The following AOPEP variants were observed in gnomAD, a reference collection of about 807,000 sequenced individuals.
The protein encoded by AOPEP is aminopeptidase O.
A neutral mutation model predicts 98.1 loss-of-function variants in AOPEP; 77 were observed. The observed-to-expected ratio is 0.78, with a 90% CI of 0.65 to 0.95. The LOEUF (loss-of-function observed/expected upper bound fraction) is 0.95, where lower values mean the gene tolerates loss of function less well. Ranked by LOEUF, AOPEP falls within the 40% of genes least tolerant of loss-of-function variation. AOPEP has a pLI of 0.00. For synonymous variants in AOPEP, 346 were observed against 365.3 expected (o/e 0.95, Z 0.60); for missense variants, 1,024 against 1,024.7 (o/e 1.00, Z 0.01).
the AOPEP span, chr9:95,126,550 C>T: frequency 2.2e-5 from 35 of 1,613,904 alleles, no homozygotes; most frequent in East Asian, 2.2e-5. Context: ...ATCAACAACC[C>T]GGAATATGGC....
intron 3 of AOPEP, among the ~76,000 whole-genome samples, chr9:94,789,966 C>T (rs562604136): frequency 5.9e-5 from 9 of 152,124 alleles, no homozygotes; most frequent in South Asian, 2.1e-4. Flanking sequence ...CTCCGCCTCC[C>T]GGGTTCACGC....
intron 4 of AOPEP, among the ~76,000 whole-genome samples, chr9:94,796,083 G>A (rs927252120): frequency 5.3e-5 from 8 of 152,154 alleles, no homozygotes; most frequent in Admixed American, 5.2e-4. Flanking sequence ...CAGGCCCAAA[G>A]TGCACCCTCT....
chr9:94,951,894 A>C (rs2058123932), intron 7 of AOPEP, among the ~76,000 whole-genome samples: 1 of 152,218 alleles, frequency 6.6e-6, no homozygotes. Flanking sequence ...TTATAAGGAA[A>C]GCAAAAGCTT....
At chr9:95,080,967 T>C in intron 15 of AOPEP, 187 bp downstream of exon 15, 1 of 595,628 alleles carries the variant, frequency 1.7e-6, no homozygotes, top group Non-Finnish European at 3.0e-6. Flanking sequence ...TCAATGTCTT[T>C]GAAGGATTGA....
At chr9:94,989,099 G>C in intron 11 of AOPEP, among the ~76,000 whole-genome samples, 1 of 150,370 alleles carries the variant, frequency 6.7e-6, no homozygotes, top group East Asian at 2.0e-4. Context: ...TTTATTTTTT[G>C]TTTGTTTGTT....
Position 95,082,584 on chromosome 9 carries a change from G to A in AOPEP, c.2329G>A (p.Val777Met), listed in dbSNP as rs780350650. The change falls in exon 16 of 17, where the codon GTG becomes ATG. Residue 777 changes from valine (V) to methionine (M), a missense_variant. This residue lies in a region of AOPEP where 566 missense variants were observed against 551.7 expected (regional missense o/e 1.03). Coordinates refer to ENST00000375315, the MANE Select transcript of AOPEP (RefSeq NM_001193329.3). ...CCTCTGTGCCCTGCAGGCCATGGGT[G>A]TGTACCTCTACGGGGAGCTGATGGT... The part of the protein sequence containing the change: ...RFLQEDQAMG[V>M]YLYGELMVSE... The A allele has an allele frequency of 4.3e-6, 7 of 1,614,186 alleles. No homozygotes were observed. The highest frequency in any genetic ancestry group is 1.7e-5 in the Admixed American group (1 of 60,028).
At chr9:94,745,087 C>A (rs1834159511) in intron 1 of AOPEP, among the ~76,000 whole-genome samples, 1 of 152,102 alleles carries the variant, frequency 6.6e-6, no homozygotes, top group African/African-American at 2.4e-5. Context: ...ATATTCCAAT[C>A]ATACTCTCAG....
chr9:94,982,646 G>A (rs568604686), intron 11 of AOPEP, among the ~76,000 whole-genome samples: 209 of 145,104 alleles, frequency 1.4e-3, no homozygotes, highest in African/African-American at 5.2e-3. Context: ...ATGGCTCACT[G>A]CAGCCTACAC....
At chr9:95,027,780 G>A (rs1221789224) in intron 13 of AOPEP, among the ~76,000 whole-genome samples, 1 of 152,070 alleles carries the variant, frequency 6.6e-6, no homozygotes, top group African/African-American at 2.4e-5. Context: ...ACATGGCAGG[G>A]GTTACTACGT....
chr9:95,029,915 A>G (rs896282496), intron 13 of AOPEP, among the ~76,000 whole-genome samples: 1 of 152,138 alleles, frequency 6.6e-6, no homozygotes, highest in Non-Finnish European at 1.5e-5. Context: ...AGTCCAGTTC[A>G]TGTTGCTCAA....
intron 13 of AOPEP, among the ~76,000 whole-genome samples, 196 bp from the exon 14 acceptor site, chr9:95,060,498 A>G (rs1170748498): frequency 3.3e-5 from 5 of 152,244 alleles, no homozygotes; most frequent in African/African-American, 7.2e-5. Context: ...AGACCCCAGA[A>G]TGTAGTGTCT....
chr9:95,110,648 G>T, the AOPEP span: 5 of 1,046,508 alleles, frequency 4.8e-6, no homozygotes, highest in Non-Finnish European at 5.8e-6. Context: ...TTATTAGTCT[G>T]TGTGTTTTCA....
intron 11 of AOPEP, among the ~76,000 whole-genome samples, chr9:95,001,879 G>A (rs768352066): frequency 2.6e-4 from 39 of 152,016 alleles, no homozygotes; most frequent in Non-Finnish European, 3.5e-4. Context: ...CCGGGCTCAA[G>A]TGATCCTCCC....
chr9:95,110,853 T>TAAC, the AOPEP span: 65 of 1,180,798 alleles, frequency 5.5e-5, no homozygotes, highest in African/African-American at 9.3e-4. Context: ...CCACATAAAA[T>TAAC]AACAACTGTC....
At chr9:95,009,179 T>G (rs2062283886) in intron 13 of AOPEP, among the ~76,000 whole-genome samples, 1 of 152,184 alleles carries the variant, frequency 6.6e-6, no homozygotes, top group African/African-American at 2.4e-5. Flanking sequence ...ACTAAATGGC[T>G]ATTGGTTTTG....
intron 7 of AOPEP, among the ~76,000 whole-genome samples, chr9:94,933,981 C>T (rs1452610185): frequency 2.6e-5 from 4 of 152,182 alleles, no homozygotes; most frequent in Non-Finnish European, 5.9e-5. Flanking sequence ...ATCTCCTGAC[C>T]TTGTGATCCG....
chr9:94,819,828 C>A (rs1262462999), intron 5 of AOPEP, among the ~76,000 whole-genome samples: 1 of 151,958 alleles, frequency 6.6e-6, no homozygotes, highest in Non-Finnish European at 1.5e-5. Flanking sequence ...CCGCCTTGGC[C>A]TTCTGAAGTG....
At chr9:94,897,922 C>G (rs1022782275) in intron 5 of AOPEP, among the ~76,000 whole-genome samples, 5 of 151,734 alleles carry the variant, frequency 3.3e-5, no homozygotes, top group Non-Finnish European at 7.4e-5. Flanking sequence ...TCACTGCAAC[C>G]TCTGCCTCCC....
chr9:95,111,718 C>G, the AOPEP span: 1 of 1,545,512 alleles, frequency 6.5e-7, no homozygotes, highest in Non-Finnish European at 8.9e-7. Context: ...TTAACGTTTG[C>G]CAACGGTTGG....
Sources: allele counts gnomAD v4.1 joint callset (sites outside exome capture counted in the v4.1 genomes callset), GRCh38; gene constraint gnomAD v4.1.1; regional missense constraint gnomAD v4.1.1; transcripts MANE v1.5; gene names NCBI Gene and HGNC (gene_info 2026-07-23, HGNC 2026-07-21).